KLHL2: variants seen among roughly 807,000 people sequenced by gnomAD.
The protein encoded by KLHL2 is kelch like family member 2.
A neutral mutation model predicts 75.8 loss-of-function variants in KLHL2; 15 were observed. That is an observed-to-expected ratio of 0.20 (90% CI 0.13 to 0.30). The LOEUF is 0.30. KLHL2 is among the 10% of genes least tolerant of loss of function. KLHL2 has a pLI of 1.00. For missense variants in KLHL2, 381 were observed against 741.0 expected (o/e 0.51, Z 5.64); for synonymous variants, 214 against 251.9 (o/e 0.85, Z 1.42).
chr4:165,280,387 G>A (rs1023045956), intron 5 of KLHL2, among the ~76,000 whole-genome samples: 4 of 152,114 alleles, frequency 2.6e-5, no homozygotes, highest in Non-Finnish European at 5.9e-5. Context: ...TCAATCATTT[G>A]CCCACCTTTC....
chr4:165,264,766 A>AT (rs1560784444), intron 5 of KLHL2, among the ~76,000 whole-genome samples: 69 of 95,584 alleles, frequency 7.2e-4, no homozygotes, highest in South Asian at 3.4e-3. Context: ...ATATATATAT[A>AT]AAACATTATC....
intron 5 of KLHL2, among the ~76,000 whole-genome samples, chr4:165,287,000 T>G (rs187707158): frequency 5.9e-5 from 9 of 152,320 alleles, no homozygotes; most frequent in Admixed American, 5.2e-4. Context: ...ATATTTGTGT[T>G]AAGGAACATA....
At chr4:165,251,836 C>T (rs1166638581) in intron 4 of KLHL2, among the ~76,000 whole-genome samples, 6 of 151,996 alleles carry the variant, frequency 3.9e-5, no homozygotes, top group Non-Finnish European at 7.4e-5. Flanking sequence ...GTCTCGATCT[C>T]CTGACCTCGT....
intron 1 of KLHL2, among the ~76,000 whole-genome samples, chr4:165,210,622 A>G (rs2110933117): frequency 6.6e-6 from 1 of 152,352 alleles, no homozygotes; most frequent in African/African-American, 2.4e-5. Flanking sequence ...AAGATGTGTA[A>G]CTAAAAGATG....
intron 5 of KLHL2, among the ~76,000 whole-genome samples, chr4:165,263,608 G>GT (rs199576096): frequency 0.078 from 11,034 of 141,938 alleles, 452 homozygotes; most frequent in Middle Eastern, 0.15. Context: ...AGGTTTTTTT[G>GT]TTTTTTTTTT....
intron 5 of KLHL2, among the ~76,000 whole-genome samples, chr4:165,290,231 C>A (rs906725644): frequency 2.6e-5 from 4 of 151,956 alleles, no homozygotes; most frequent in African/African-American, 9.7e-5. Context: ...TAGCCTTGAC[C>A]TCCTGGGCAC....
At chr4:165,208,845 C>T (rs1737015681) in intron 1 of KLHL2, among the ~76,000 whole-genome samples, 1 of 152,132 alleles carries the variant, frequency 6.6e-6, no homozygotes, top group Admixed American at 6.5e-5. Context: ...AGAGCTTATT[C>T]ATGGAGGCTT....
intron 4 of KLHL2, among the ~76,000 whole-genome samples, chr4:165,251,615 G>GTTTTT (rs757789262): frequency 7.7e-6 from 1 of 129,810 alleles, no homozygotes; most frequent in African/African-American, 2.8e-5. Flanking sequence ...TTTTTTTTTT[G>GTTTTT]TTTTTTTTTT....
At chr4:165,209,983 A>G (rs909834120) in intron 1 of KLHL2, 5 of 1,472,128 alleles carry the variant, frequency 3.4e-6, no homozygotes, top group East Asian at 5.0e-5. Context: ...TGAGACTTGC[A>G]GGCAGTGTCT....
intron 3 of KLHL2, among the ~76,000 whole-genome samples, chr4:165,235,495 C>T (rs1739264578): frequency 6.6e-6 from 1 of 152,202 alleles, no homozygotes; most frequent in Non-Finnish European, 1.5e-5. Context: ...GCCCCTGTGC[C>T]CAGCCAAAAT....
chr4:165,249,639 A>T (rs1740529098), intron 4 of KLHL2, among the ~76,000 whole-genome samples: 1 of 152,128 alleles, frequency 6.6e-6, no homozygotes, highest in Admixed American at 6.6e-5. Flanking sequence ...CCATTTCTGA[A>T]TTTTTTTGTA....
chr4:165,292,925 T>C (rs1374202697), intron 5 of KLHL2, among the ~76,000 whole-genome samples: 1 of 152,224 alleles, frequency 6.6e-6, no homozygotes, highest in Non-Finnish European at 1.5e-5. Flanking sequence ...TATTGAATCC[T>C]TACTCTCTAC....
intron 11 of KLHL2, 122 bp downstream of exon 11, chr4:165,311,687 C>G (rs561343982): frequency 2.4e-4 from 167 of 694,528 alleles, no homozygotes; most frequent in Non-Finnish European, 4.1e-4. Flanking sequence ...AAAGAAAAGT[C>G]GTAATTACTG....
chr4:165,219,032 CTT>C (rs1270766081), intron 1 of KLHL2, among the ~76,000 whole-genome samples: 61 of 152,290 alleles, frequency 4.0e-4, no homozygotes, highest in African/African-American at 1.5e-3. Flanking sequence ...AAAAAGTTGT[CTT>C]GTGTTCATTA....
intron 5 of KLHL2, among the ~76,000 whole-genome samples, chr4:165,269,108 G>C (rs190813960): frequency 2.7e-4 from 41 of 152,192 alleles, no homozygotes; most frequent in African/African-American, 9.6e-4. Flanking sequence ...TTTAAAGTCT[G>C]TTTTATCAGA....
intron 1 of KLHL2, among the ~76,000 whole-genome samples, chr4:165,218,720 T>C (rs1393877906): frequency 6.6e-6 from 1 of 151,656 alleles, no homozygotes; most frequent in African/African-American, 2.4e-5. Context: ...TGGTTGGTAC[T>C]AAAAACAATT....
chr4:165,278,140 T>G (rs1166362047), intron 5 of KLHL2: 2 of 1,529,434 alleles, frequency 1.3e-6, no homozygotes, highest in East Asian at 4.5e-5. Context: ...CTTTCTTCCA[T>G]GTAGAATAAC....
chr4:165,210,249 C>T (rs1737114921), intron 1 of KLHL2: 3 of 1,409,614 alleles, frequency 2.1e-6, no homozygotes, highest in East Asian at 2.5e-5. Flanking sequence ...TGGCACTGTG[C>T]GTGGTGCTTT....
chr4:165,252,262 T>G (rs1268327565), intron 4 of KLHL2, among the ~76,000 whole-genome samples: 3 of 151,868 alleles, frequency 2.0e-5, no homozygotes, highest in African/African-American at 7.3e-5. Flanking sequence ...TGTTTAGGTA[T>G]GGAGCCTGTG....
Sources: allele counts gnomAD v4.1 joint callset (sites outside exome capture counted in the v4.1 genomes callset), GRCh38; gene constraint gnomAD v4.1.1; transcripts MANE v1.5; gene names NCBI Gene and HGNC (gene_info 2026-07-23, HGNC 2026-07-21).